CENPP: variants seen among roughly 807,000 people sequenced by gnomAD.
CENPP encodes centromere protein P.
CENPP carries 24 observed loss-of-function variants against 35.6 expected under a neutral mutation model. The observed-to-expected ratio is 0.67, with a 90% CI of 0.49 to 0.95. The LOEUF (loss-of-function observed/expected upper bound fraction) is 0.95, where lower values mean the gene tolerates loss of function less well. CENPP is among the 40% of genes least tolerant of loss of function. The pLI is 0.00. For missense variants in CENPP, 332 were observed against 345.3 expected (o/e 0.96, Z 0.31); for synonymous variants, 120 against 125.5 (o/e 0.96, Z 0.29).
chr9:92,475,589 T>C (rs1488167866), intron 5 of CENPP, among the ~76,000 whole-genome samples: 1 of 152,178 alleles, frequency 6.6e-6, no homozygotes, highest in Admixed American at 6.5e-5. Flanking sequence ...ATTCCCAAAA[T>C]CTTTCTATTG....
chr9:92,570,898 T>G (rs1850119724), intron 5 of CENPP, among the ~76,000 whole-genome samples: 1 of 152,250 alleles, frequency 6.6e-6, no homozygotes. Flanking sequence ...GATAGTAGTT[T>G]GTATTTCTGT....
chr9:92,453,998 C>T lies in CENPP; in HGVS notation c.564+74139C>T, dbSNP rs532809157. Among the ~76,000 whole-genome samples the T allele has an allele frequency of 4.6e-5, 7 of 152,108 alleles. No homozygotes were observed. The South Asian group carries it at 1.5e-3, about 32-fold the overall frequency. On this transcript the variant is annotated intron_variant, in intron 5 of 7. Coordinates refer to ENST00000375587, the MANE Select transcript of CENPP (RefSeq NM_001012267.3). ...AAAAAAGTTTTTGTTTTAGTGACTT[C>T]TAAATACCTCATAATAGTTAAAGAA...
chr9:92,377,874 G>T (rs182733180), intron 4 of CENPP, among the ~76,000 whole-genome samples: 3 of 152,130 alleles, frequency 2.0e-5, no homozygotes, highest in Admixed American at 6.5e-5. Context: ...TTTCTGTGTA[G>T]ATTCTGGTTC....
chr9:92,532,013 A>ATTTTTTT (rs1368397928), intron 5 of CENPP, among the ~76,000 whole-genome samples: 3 of 68,912 alleles, frequency 4.4e-5, no homozygotes, highest in African/African-American at 1.2e-4. Flanking sequence ...TTTTTATTTA[A>ATTTTTTT]TGTTTTTTTT....
chr9:92,488,767 A>C (rs940376715), intron 5 of CENPP, among the ~76,000 whole-genome samples: 2 of 152,228 alleles, frequency 1.3e-5, no homozygotes, highest in African/African-American at 4.8e-5. Flanking sequence ...GTTTAATGTA[A>C]GTTTATTTGA....
chr9:92,531,420 C>T (rs1409154281), intron 5 of CENPP, among the ~76,000 whole-genome samples: 1 of 152,090 alleles, frequency 6.6e-6, no homozygotes, highest in Non-Finnish European at 1.5e-5. Flanking sequence ...TGTTTCAGTT[C>T]TGTGTTTTAA....
intron 5 of CENPP, among the ~76,000 whole-genome samples, chr9:92,532,932 AG>A (rs1334630530): frequency 6.6e-6 from 1 of 152,050 alleles, no homozygotes; most frequent in African/African-American, 2.4e-5. Context: ...CGTCTGTTTC[AG>A]GCATAAGGTT....
At chr9:92,546,685 G>A (rs895000791) in intron 5 of CENPP, among the ~76,000 whole-genome samples, 5 of 152,064 alleles carry the variant, frequency 3.3e-5, no homozygotes, top group African/African-American at 7.2e-5. Context: ...GAGGGTCCGC[G>A]GCTTCATTCT....
intron 5 of CENPP, among the ~76,000 whole-genome samples, chr9:92,412,614 G>A (rs987738890): frequency 1.6e-4 from 25 of 152,182 alleles, no homozygotes; most frequent in Admixed American, 1.5e-3. Flanking sequence ...TACAATTTGT[G>A]TCTTTTTACG....
chr9:92,466,025 G>A (rs1845296141), intron 5 of CENPP, among the ~76,000 whole-genome samples: 1 of 152,042 alleles, frequency 6.6e-6, no homozygotes, highest in South Asian at 2.1e-4. Context: ...TAGAGACAGG[G>A]TTTTACTATG....
In CENPP at chr9:92,581,042, C is replaced by A. The variant is rs527780496; in HGVS notation, c.565-30272C>A. On this transcript the variant is annotated intron_variant, in intron 5 of 7. Transcript: ENST00000375587. ...GTTTCAAAGAACATCTTTATTTCTG[C>A]CTTCATTTCGTTATGTACCCATTAG... Among the ~76,000 whole-genome samples, 6 of 152,178 alleles carry A rather than the reference C, an allele frequency of 3.9e-5. No homozygotes were observed. The East Asian group carries it at 1.2e-3, about 29-fold the overall frequency.
At chr9:92,599,353 A>G (rs1448970732) in intron 5 of CENPP, among the ~76,000 whole-genome samples, 1 of 152,114 alleles carries the variant, frequency 6.6e-6, no homozygotes, top group South Asian at 2.1e-4. Context: ...CCCTGGCTAG[A>G]CTATCACTGT....
In CENPP at chr9:92,616,349, G is replaced by A. The variant is rs993843363; in HGVS notation, c.*3200G>A. 6 of 323,504 alleles carry A rather than the reference G, an allele frequency of 1.9e-5. No individual in the cohort carries two copies. In the Admixed American group the frequency reaches 2.7e-4, roughly 15 times the overall value. The allele number at this position is 323,504 out of a possible 1,614,324, so 20.0% of individuals were successfully genotyped here. A position where few individuals can be genotyped will look rare whatever the true frequency, so the allele number is the denominator to read the frequency against. The stretch of plus-strand genomic sequence containing the variant: ...AGGCCAGTGCACCCCACCATACCAG[G>A]CGAGAGAGGGTTAAAGGACTGAAAG... On this transcript the variant is annotated 3_prime_UTR_variant, in exon 8 of 8. Transcript: ENST00000375587.
chr9:92,619,217 C>A lies in CENPP; in HGVS notation c.*6068C>A. ...TCACTGTCCACATTGTTTCTGAGCT[C>A]TTGGGAGTATTTTCTTAGAAAACAG... On this transcript the variant is annotated 3_prime_UTR_variant, in exon 8 of 8. Transcript: ENST00000375587. 1 of 414,616 alleles carries A rather than the reference C, an allele frequency of 2.4e-6. No individual in the cohort carries two copies. Among genetic ancestry groups the A allele is most frequent in the Non-Finnish European group, 4.5e-6 (1 of 223,318 alleles). The allele number at this position is 414,616 out of a possible 1,614,324, so 25.7% of individuals were successfully genotyped here.
chr9:92,551,647 T>A (rs987831267), intron 5 of CENPP, among the ~76,000 whole-genome samples: 7 of 152,076 alleles, frequency 4.6e-5, no homozygotes, highest in Admixed American at 3.3e-4. Context: ...CTGCACCCTA[T>A]TTGTTGTCTT....
At chr9:92,390,113 C>CTT in intron 5 of CENPP, 1 of 999,544 alleles carries the variant, frequency 1.0e-6, no homozygotes. Context: ...ATTGTATGGA[C>CTT]TGAAGAAAAG....
At chr9:92,451,727 T>G (rs1303860094) in intron 5 of CENPP, among the ~76,000 whole-genome samples, 2 of 149,854 alleles carry the variant, frequency 1.3e-5, no homozygotes, top group Admixed American at 1.3e-4. Context: ...TTCCTACCCA[T>G]GAGCATGGAA....
At chr9:92,468,711 T>A (rs969889449) in intron 5 of CENPP, among the ~76,000 whole-genome samples, 2 of 152,250 alleles carry the variant, frequency 1.3e-5, no homozygotes, top group Admixed American at 6.5e-5. Context: ...ATAAAGCATG[T>A]ACTTTAAAAA....
intron 4 of CENPP, among the ~76,000 whole-genome samples, chr9:92,352,510 C>CATATATAT (rs67070835): frequency 0.013 from 668 of 50,398 alleles, 60 homozygotes; most frequent in Middle Eastern, 0.037. Context: ...TGTGTGTATA[C>CATATATAT]ATATATATAT....
Sources: allele counts gnomAD v4.1 joint callset (sites outside exome capture counted in the v4.1 genomes callset), GRCh38; gene constraint gnomAD v4.1.1; transcripts MANE v1.5; gene names NCBI Gene and HGNC (gene_info 2026-07-23, HGNC 2026-07-21).